PCDH11X: variants seen among roughly 807,000 people sequenced by gnomAD.
PCDH11X encodes the protein protocadherin 11 X-linked.
A neutral mutation model predicts 53.3 loss-of-function variants in PCDH11X; 18 were observed. That is an observed-to-expected ratio of 0.34 (90% CI 0.23 to 0.50). The LOEUF is 0.50. PCDH11X is among the 20% of genes least tolerant of loss of function. The probability of loss-of-function intolerance (pLI) is 0.98; values close to 1 mark genes in which losing one functional copy is unlikely to be tolerated. For synonymous variants in PCDH11X, 279 were observed against 393.3 expected (o/e 0.71, Z 3.44); for missense variants, 570 against 1,032.4 (o/e 0.55, Z 6.14).
rs189917738 is a variant in PCDH11X at position 92,478,840 on chromosome X, G to A, written c.3367+10518G>A. Among the ~76,000 whole-genome samples, 49 of 110,880 alleles carry A rather than the reference G, an allele frequency of 4.4e-4. No individual in the cohort carries two copies. In the East Asian group the frequency reaches 0.011, roughly 25 times the overall value. ...TGTGCCGAGTGGCATTGAGAATAAT[G>A]TACATTCTGTGGTATTTGGGTAGAG... On this transcript the variant is annotated intron_variant, in intron 10 of 10. Transcript: ENST00000682573.
chrX:92,358,050 C>T (rs765412878), intron 8 of PCDH11X, among the ~76,000 whole-genome samples: 7 of 107,893 alleles, frequency 6.5e-5, no homozygotes, highest in African/African-American at 2.0e-4. Context: ...CAAGGACCCA[C>T]AAGAAATGAA....
intron 6 of PCDH11X, among the ~76,000 whole-genome samples, chrX:92,176,584 C>T (rs1238619742): frequency 9.0e-6 from 1 of 111,700 alleles, no homozygotes; most frequent in Non-Finnish European, 1.9e-5. Context: ...CTCAAACTGT[C>T]AAATAATGAA....
Position 91,899,623 on chromosome X carries a change from C to T in PCDH11X, c.3033+20350C>T, listed in dbSNP as rs184530171. Among the ~76,000 whole-genome samples, 441 of 110,361 alleles carry T rather than the reference C, an allele frequency of 4.0e-3. 3 individuals carry two copies. Among genetic ancestry groups the T allele is most frequent in the African/African-American group, 0.014 (434 of 30,412 alleles). On this transcript the variant is annotated intron_variant, in intron 6 of 10. Transcript: ENST00000682573. ...AAAATCTTCAAATAATTACACCTAA[C>T]ATAATAGAGCTATCCTTTGTATAAC...
At chrX:92,212,567 C>T (rs1281492768) in intron 7 of PCDH11X, among the ~76,000 whole-genome samples, 5 of 111,161 alleles carry the variant, frequency 4.5e-5, no homozygotes, top group Admixed American at 1.9e-4. Context: ...TCAGGCTGGT[C>T]GCAAACTGCC....
At chrX:91,934,236 C>T (rs151269656) in intron 6 of PCDH11X, among the ~76,000 whole-genome samples, 4,977 of 109,894 alleles carry the variant, frequency 0.045, 259 homozygotes, top group African/African-American at 0.14. Context: ...AAGAATTTCA[C>T]GGCCCAAGCT....
At chrX:91,925,683 CA>C (rs1941921142) in intron 6 of PCDH11X, among the ~76,000 whole-genome samples, 2 of 110,263 alleles carry the variant, frequency 1.8e-5, no homozygotes, top group African/African-American at 3.3e-5. Context: ...AATAGTTTAC[CA>C]TTAAATTTGA....
Position 91,878,420 on chromosome X carries a change from A to G in PCDH11X, c.2180A>G (p.Asp727Gly), listed in dbSNP as rs1482314136. Residue 727 changes from aspartate (D) to glycine (G), a missense_variant, in exon 6 of 11, where the codon GAC becomes GGC. Coordinates refer to ENST00000682573, the MANE Select transcript of PCDH11X (RefSeq NM_032968.5). The part of the protein sequence containing the change: ...GGNTRDLFAI[D>G]QETGNITLME... ...AACACAAGAGATCTGTTTGCAATCG[A>G]CCAAGAAACAGGCAACATAACATTG... The G allele has an allele frequency of 8.3e-7, 1 of 1,204,943 alleles. No individual in the cohort carries two copies. The highest frequency in any genetic ancestry group is 2.2e-5 in the Admixed American group (1 of 45,178).
chrX:92,182,285 G>C (rs1403405375), intron 6 of PCDH11X, among the ~76,000 whole-genome samples: 1 of 111,781 alleles, frequency 8.9e-6, no homozygotes, highest in African/African-American at 3.3e-5. Context: ...TGGAATGGCT[G>C]TATTTACCGA....
chrX:92,069,148 G>T (rs1236691093), intron 6 of PCDH11X, among the ~76,000 whole-genome samples: 1 of 110,260 alleles, frequency 9.1e-6, no homozygotes. Flanking sequence ...ACATGTCTTG[G>T]TGTGCCAGTG....
At chrX:91,809,958 G>T (rs975130894) in intron 2 of PCDH11X, among the ~76,000 whole-genome samples, 4 of 110,894 alleles carry the variant, frequency 3.6e-5, no homozygotes, top group East Asian at 2.8e-4. Flanking sequence ...ACCCCTCAAA[G>T]TTGAAGATTT....
At chrX:92,070,805 T>C (rs895570391) in intron 6 of PCDH11X, among the ~76,000 whole-genome samples, 4 of 110,974 alleles carry the variant, frequency 3.6e-5, no homozygotes, top group African/African-American at 1.3e-4. Context: ...AACTCTTTTT[T>C]GTTGTTGTTT....
chrX:92,060,650 G>C (rs1346680264), intron 6 of PCDH11X, among the ~76,000 whole-genome samples: 1 of 108,997 alleles, frequency 9.2e-6, no homozygotes, highest in East Asian at 2.9e-4. Context: ...TGCTTCAAAG[G>C]ACATGATCTC....
intron 6 of PCDH11X, among the ~76,000 whole-genome samples, chrX:92,167,596 T>G (rs1334287716): frequency 9.0e-6 from 1 of 111,585 alleles, no homozygotes. Flanking sequence ...TTATAGAATA[T>G]AGTTAGTGAT....
At chrX:92,232,665 A>G (rs2067097154) in intron 7 of PCDH11X, among the ~76,000 whole-genome samples, 1 of 111,861 alleles carries the variant, frequency 8.9e-6, no homozygotes, top group African/African-American at 3.2e-5. Flanking sequence ...AATTATTTAG[A>G]TTTTCTCAGC....
At chrX:92,465,795 T>A (rs2073146264) in intron 9 of PCDH11X, among the ~76,000 whole-genome samples, 1 of 111,091 alleles carries the variant, frequency 9.0e-6, no homozygotes, top group Admixed American at 9.6e-5. Context: ...AAGAGGAGAT[T>A]TTTTTTCTTT....
At chrX:91,782,173 C>A (rs1935171233) in intron 1 of PCDH11X, among the ~76,000 whole-genome samples, 1 of 112,440 alleles carries the variant, frequency 8.9e-6, no homozygotes, top group African/African-American at 3.2e-5. Flanking sequence ...TCCCGGCTCG[C>A]AGCCCCCCCC....
chrX:92,401,349 T>C (rs1329933348), intron 9 of PCDH11X, among the ~76,000 whole-genome samples: 2 of 111,326 alleles, frequency 1.8e-5, no homozygotes, highest in East Asian at 2.8e-4. Context: ...AATAGTATAC[T>C]TGGCATTTTT....
chrX:92,564,087 C>T (rs765183114), intron 10 of PCDH11X, among the ~76,000 whole-genome samples: 16 of 109,889 alleles, frequency 1.5e-4, no homozygotes, highest in African/African-American at 4.9e-4. Context: ...CCACAATAAA[C>T]TCATAAAATT....
intron 10 of PCDH11X, among the ~76,000 whole-genome samples, chrX:92,491,828 G>A (rs746303432): frequency 1.1e-3 from 127 of 111,196 alleles, no homozygotes; most frequent in African/African-American, 3.9e-3. Flanking sequence ...AGATCATGCA[G>A]TATTTTTCTT....
Sources: gnomAD v4.1 joint callset for allele counts (sites outside exome capture counted in the v4.1 genomes callset) on GRCh38, gnomAD v4.1.1 for gene constraint, MANE v1.5 for transcripts, NCBI Gene and HGNC (gene_info 2026-07-23, HGNC 2026-07-21) for gene names.